The following RSU1 variants were observed in gnomAD, a reference collection of about 807,000 sequenced individuals.
RSU1 encodes the protein rsu-1.
In RSU1, 26 loss-of-function variants were observed where a neutral mutation model predicts 31.1. The observed-to-expected ratio is 0.84, with a 90% CI of 0.61 to 1.16. RSU1 has a LOEUF of 1.16. RSU1 is among the 50% of genes most tolerant of loss of function. The probability of loss-of-function intolerance (pLI) is 0.00; values close to 1 mark genes in which losing one functional copy is unlikely to be tolerated. For synonymous variants in RSU1, 164 were observed against 136.3 expected, an observed-to-expected ratio of 1.20 and a Z score of -1.41; for missense variants, 320 against 339.1, an observed-to-expected ratio of 0.94 and a Z score of 0.44.
At chr10:16,792,325 C>T (rs1303999632) in intron 2 of RSU1, among the ~76,000 whole-genome samples, 5 of 152,222 alleles carry the variant, frequency 3.3e-5, no homozygotes, top group East Asian at 1.9e-4. Flanking sequence ...CTCCACCTCC[C>T]GAGTTCAAAT....
At chr10:16,794,931 G>C (rs1267276648) in intron 2 of RSU1, among the ~76,000 whole-genome samples, 3 of 152,178 alleles carry the variant, frequency 2.0e-5, no homozygotes, top group Non-Finnish European at 4.4e-5. Flanking sequence ...TCACTGGATT[G>C]TTCTGGAGCA....
chr10:16,736,146 C>T (rs1027656217), intron 7 of RSU1, among the ~76,000 whole-genome samples: 7 of 152,062 alleles, frequency 4.6e-5, no homozygotes, highest in African/African-American at 1.7e-4. Context: ...AAAAAGAGGC[C>T]CAGAAAGCTG....
intron 2 of RSU1, among the ~76,000 whole-genome samples, chr10:16,805,365 G>A (rs1838244011): frequency 6.6e-6 from 1 of 152,128 alleles, no homozygotes; most frequent in Non-Finnish European, 1.5e-5. Context: ...ATCGAAAACT[G>A]CTCTTCAAAA....
intron 4 of RSU1, 150 bp downstream of exon 4, chr10:16,764,240 A>T: frequency 1.2e-6 from 1 of 862,366 alleles, no homozygotes; most frequent in Non-Finnish European, 1.7e-6. Context: ...ATATATTAAA[A>T]CAATAAAATT....
chr10:16,647,007 C>T (rs1025747737), intron 8 of RSU1, among the ~76,000 whole-genome samples: 2 of 151,092 alleles, frequency 1.3e-5, no homozygotes, highest in African/African-American at 4.9e-5. Flanking sequence ...GAGATGGAGT[C>T]TCTCTCTGTC....
intron 2 of RSU1, among the ~76,000 whole-genome samples, chr10:16,807,966 C>T (rs1380607398): frequency 4.8e-5 from 7 of 146,762 alleles, no homozygotes; most frequent in African/African-American, 7.6e-5. Flanking sequence ...GAGCTTGCAG[C>T]GAGCCGAGAT....
chr10:16,611,642 G>A (rs1156882658), intron 8 of RSU1, among the ~76,000 whole-genome samples: 1 of 152,088 alleles, frequency 6.6e-6, no homozygotes, highest in African/African-American at 2.4e-5. Flanking sequence ...CATGTACTGG[G>A]GGCTGACATC....
chr10:16,725,756 A>T (rs1836380688), intron 7 of RSU1, among the ~76,000 whole-genome samples: 2 of 150,414 alleles, frequency 1.3e-5, no homozygotes, highest in African/African-American at 4.9e-5. Flanking sequence ...CAGAATGGTA[A>T]GAAATAAAGT....
chr10:16,621,129 G>A (rs186158755), intron 8 of RSU1, among the ~76,000 whole-genome samples: 1 of 152,268 alleles, frequency 6.6e-6, no homozygotes, highest in East Asian at 1.9e-4. Flanking sequence ...TTCTGCCTCT[G>A]CCAGGGGATA....
At chr10:16,604,992 G>T (rs887043692) in intron 8 of RSU1, among the ~76,000 whole-genome samples, 1 of 152,194 alleles carries the variant, frequency 6.6e-6, no homozygotes, top group Non-Finnish European at 1.5e-5. Context: ...GAGCCTGCTT[G>T]GGGGAGAAGC....
chr10:16,689,000 T>A (rs1376915464), intron 8 of RSU1, among the ~76,000 whole-genome samples: 1 of 151,010 alleles, frequency 6.6e-6, no homozygotes, highest in Non-Finnish European at 1.5e-5. Flanking sequence ...AAAGTGATAC[T>A]GTGTCCCTAA....
At chr10:16,667,487 T>A in intron 8 of RSU1, among the ~76,000 whole-genome samples, 1 of 152,178 alleles carries the variant, frequency 6.6e-6, no homozygotes, top group Middle Eastern at 3.4e-3. Flanking sequence ...CTCTATTATT[T>A]ATTAATTTTT....
chr10:16,613,798 T>TAAAAAAAAAAAAA (rs778805311), intron 8 of RSU1, among the ~76,000 whole-genome samples: 1 of 136,524 alleles, frequency 7.3e-6, no homozygotes, highest in Non-Finnish European at 1.6e-5. Flanking sequence ...TACAGCTCTT[T>TAAAAAAAAAAAAA]AAAAAAAAAA....
intron 7 of RSU1, among the ~76,000 whole-genome samples, chr10:16,701,456 C>T (rs1264881381): frequency 1.3e-5 from 2 of 152,210 alleles, no homozygotes; most frequent in African/African-American, 2.4e-5. Context: ...AATGCAAGGC[C>T]ACACTGTCAT....
chr10:16,618,140 A>G (rs756977472), intron 8 of RSU1, among the ~76,000 whole-genome samples: 13 of 151,994 alleles, frequency 8.6e-5, no homozygotes, highest in Non-Finnish European at 5.9e-5. Context: ...TTACAAGAAG[A>G]AAACAACCCT....
chr10:16,724,003 T>C (rs892339314), intron 7 of RSU1, among the ~76,000 whole-genome samples: 2 of 152,098 alleles, frequency 1.3e-5, no homozygotes, highest in Non-Finnish European at 2.9e-5. Context: ...TGCAGTGGTA[T>C]GATCTCGGCT....
At chr10:16,646,980 CTTTTT>C (rs1007212635) in intron 8 of RSU1, among the ~76,000 whole-genome samples, 1 of 144,090 alleles carries the variant, frequency 6.9e-6, no homozygotes, top group African/African-American at 2.6e-5. Context: ...GGTACTGCAA[CTTTTT>C]TTTTTTTTTT....
chr10:16,710,471 T>C (rs1177931756), intron 7 of RSU1, among the ~76,000 whole-genome samples: 6 of 152,106 alleles, frequency 3.9e-5, no homozygotes, highest in Non-Finnish European at 7.4e-5. Context: ...AGTTTTGCTG[T>C]TGTTGTTGTA....
chr10:16,804,069 C>T (rs1838216132), intron 2 of RSU1, among the ~76,000 whole-genome samples: 1 of 152,054 alleles, frequency 6.6e-6, no homozygotes, highest in Non-Finnish European at 1.5e-5. Context: ...TATTTGTTAA[C>T]ACACATATCT....
Sources: gnomAD v4.1 joint callset for allele counts (sites outside exome capture counted in the v4.1 genomes callset) on GRCh38, gnomAD v4.1.1 for gene constraint, MANE v1.5 for transcripts, NCBI Gene and HGNC (gene_info 2026-07-23, HGNC 2026-07-21) for gene names.